The following CCN4 variants were observed in gnomAD, a reference collection of about 807,000 sequenced individuals.
CCN4 encodes CCN family member 4.
CCN4 carries 30 observed loss-of-function variants against 36.7 expected under a neutral mutation model. That is an observed-to-expected ratio of 0.82 (90% CI 0.61 to 1.11). The LOEUF is 1.11. Ranked by LOEUF, CCN4 falls within the 50% of genes least tolerant of loss-of-function variation. The pLI is 0.00. For synonymous variants in CCN4, 191 were observed against 195.4 expected (o/e 0.98, Z 0.19); for missense variants, 505 against 504.9 (o/e 1.00, Z 0.00).
chr8:133,195,316 T>C (rs1175107659), intron 1 of CCN4, among the ~76,000 whole-genome samples: 1 of 150,650 alleles, frequency 6.6e-6, no homozygotes, highest in Non-Finnish European at 1.5e-5. Flanking sequence ...TGTTTGCGTG[T>C]GTGGTGTGTG....
intron 1 of CCN4, among the ~76,000 whole-genome samples, chr8:133,211,027 T>C (rs1854005880): frequency 6.6e-6 from 1 of 152,230 alleles, no homozygotes; most frequent in Non-Finnish European, 1.5e-5. Flanking sequence ...TTGCAAGGGC[T>C]TTATTTATTG....
At chr8:133,226,517 G>A (rs920437121) in intron 4 of CCN4, among the ~76,000 whole-genome samples, 1 of 151,768 alleles carries the variant, frequency 6.6e-6, no homozygotes, top group South Asian at 2.1e-4. Flanking sequence ...ACTAGCTTTT[G>A]TATTTTCTGC....
At chr8:133,217,855 C>G (rs536140134) in intron 2 of CCN4, among the ~76,000 whole-genome samples, 202 of 151,852 alleles carry the variant, frequency 1.3e-3, no homozygotes, top group Non-Finnish European at 1.4e-3. Context: ...GTGCTGGGGA[C>G]TCCGGGCATC....
chr8:133,201,218 G>A (rs1490921761), intron 1 of CCN4, among the ~76,000 whole-genome samples: 2 of 152,042 alleles, frequency 1.3e-5, no homozygotes, highest in African/African-American at 4.8e-5. Context: ...TTACCTTTTT[G>A]TGACTCAGTT....
At position 133,220,847 on chromosome 8, in the gene CCN4, T is replaced by C. The variant is rs1371574736; in HGVS notation, c.610+6T>C. ...CCGTGACACAGGAGCCTTCGGTGGG[T>C]GTGGGCCCGAGTGGGCTGGGGGTGG... is the stretch of plus-strand genomic sequence containing the variant. On this transcript the variant is annotated splice_donor_region_variant and intron_variant, in intron 3 of 4. Coordinates refer to ENST00000250160, the MANE Select transcript of CCN4 (RefSeq NM_003882.4). 1.3e-6 allele frequency: 2 copies of C among 1,592,940 alleles called. No individual in the cohort carries two copies. Among genetic ancestry groups the C allele is most frequent in the Non-Finnish European group, 8.6e-7 (1 of 1,165,396 alleles).
chr8:133,221,323 C>T (rs975170510), intron 3 of CCN4, among the ~76,000 whole-genome samples: 2 of 152,196 alleles, frequency 1.3e-5, no homozygotes, highest in Non-Finnish European at 2.9e-5. Flanking sequence ...TGGGGACAGG[C>T]CCAATTGTTT....
chr8:133,215,606 G>A (rs1854292121), intron 2 of CCN4, among the ~76,000 whole-genome samples: 1 of 152,020 alleles, frequency 6.6e-6, no homozygotes, highest in African/African-American at 2.4e-5. Context: ...CGGTGGCCTG[G>A]AAAACCCCCT....
At chr8:133,193,470 G>A (rs3739262) in intron 1 of CCN4, among the ~76,000 whole-genome samples, 36,568 of 152,114 alleles carry the variant, frequency 0.24, 4,838 homozygotes, top group Middle Eastern at 0.32. Flanking sequence ...TGTGCTAAAG[G>A]TGTATTGCAA....
intron 1 of CCN4, among the ~76,000 whole-genome samples, chr8:133,208,727 C>G (rs1476614162): frequency 1.3e-5 from 2 of 152,096 alleles, no homozygotes; most frequent in Non-Finnish European, 2.9e-5. Flanking sequence ...CTTCAAAACC[C>G]GTTCCCAGTG....
At position 133,212,963 on chromosome 8, in the gene CCN4, C is replaced by T. The variant is rs770730847; in HGVS notation, c.169C>T (p.Pro57Ser). The stretch of plus-strand genomic sequence containing the variant: ...CTGCAAGTGGCCATGTGAGTGCCCG[C>T]CATCCCCACCCCGCTGCCCGCTGGG... The part of the protein sequence containing the change: ...QFCKWPCECP[P>S]SPPRCPLGVS... Residue 57 changes from proline (P) to serine (S), a missense_variant, in exon 2 of 5, where the codon CCA (proline) becomes TCA (serine). Physicochemically the swap from Pro to Ser is moderately conservative, Grantham distance 74. Coordinates refer to ENST00000250160, the MANE Select transcript of CCN4 (RefSeq NM_003882.4). 1.2e-6 allele frequency: 2 copies of T among 1,614,078 alleles called. No individual in the cohort carries two copies. The highest frequency in any genetic ancestry group is 8.5e-7 in the Non-Finnish European group (1 of 1,179,986).
At chr8:133,218,343 G>A (rs961848034) in intron 2 of CCN4, among the ~76,000 whole-genome samples, 4 of 151,884 alleles carry the variant, frequency 2.6e-5, no homozygotes, top group African/African-American at 9.7e-5. Context: ...ACGGATAACC[G>A]CACCCCAAAA....
At chr8:133,217,048 C>G (rs1489957171) in intron 2 of CCN4, among the ~76,000 whole-genome samples, 1 of 152,216 alleles carries the variant, frequency 6.6e-6, no homozygotes, top group Non-Finnish European at 1.5e-5. Flanking sequence ...CCAGCATCAT[C>G]ACTCACTATT....
chr8:133,228,091 G>A lies in CCN4; in HGVS notation c.*381G>A, dbSNP rs1043165022. 2 of 185,040 alleles carry A rather than the reference G, an allele frequency of 1.1e-5. No individual in the cohort carries two copies. Among genetic ancestry groups the A allele is most frequent in the Non-Finnish European group, 1.1e-5 (1 of 89,056 alleles). 11.5% of individuals were successfully genotyped at this position (185,040 alleles called of 1,614,324 possible). On this transcript the variant is annotated 3_prime_UTR_variant, in exon 5 of 5. Transcript: ENST00000250160. ...GATGCCAAACCACAAGACTCTTTGG[G>A]TCCATTCAGATGAATAGATGGAATT...
intron 3 of CCN4, 23 bp from the exon 4 acceptor site, chr8:133,225,367 C>A: frequency 6.4e-7 from 1 of 1,558,462 alleles, no homozygotes; most frequent in South Asian, 1.2e-5. Context: ...TAGATTCATG[C>A]AGATTCTGTT....
chr8:133,214,068 TAC>T (rs374397527), intron 2 of CCN4, among the ~76,000 whole-genome samples: 7 of 1,920 alleles, frequency 3.6e-3, no homozygotes, highest in East Asian at 0.5. Flanking sequence ...ATACTATATA[TAC>T]ACTATATATA....
At chr8:133,211,061 G>A (rs1033984992) in intron 1 of CCN4, among the ~76,000 whole-genome samples, 1 of 152,138 alleles carries the variant, frequency 6.6e-6, no homozygotes, top group Non-Finnish European at 1.5e-5. Context: ...TACATTTATT[G>A]TGCGCCAGGT....
At chr8:133,195,419 A>G (rs1170254933) in intron 1 of CCN4, among the ~76,000 whole-genome samples, 1 of 151,918 alleles carries the variant, frequency 6.6e-6, no homozygotes, top group Admixed American at 6.6e-5. Flanking sequence ...TGTATGGCAA[A>G]ATATCCCCTT....
intron 1 of CCN4, among the ~76,000 whole-genome samples, chr8:133,198,260 G>A (rs1853460557): frequency 2.0e-5 from 3 of 152,178 alleles, no homozygotes; most frequent in Non-Finnish European, 4.4e-5. Context: ...CTTGCTCTAG[G>A]TGTCTATTTA....
intron 1 of CCN4, among the ~76,000 whole-genome samples, chr8:133,194,829 G>A (rs868098623): frequency 3.5e-5 from 5 of 141,168 alleles, no homozygotes; most frequent in Admixed American, 7.0e-5. Flanking sequence ...TGTGTGGTAC[G>A]TGTGTGTGTG....
Sources: gnomAD v4.1 joint callset for allele counts (sites outside exome capture counted in the v4.1 genomes callset) on GRCh38, gnomAD v4.1.1 for gene constraint, MANE v1.5 for transcripts, NCBI Gene and HGNC (gene_info 2026-07-23, HGNC 2026-07-21) for gene names.